CTNND2: variants seen among roughly 807,000 people sequenced by gnomAD.
CTNND2 encodes catenin delta-2.
CTNND2 carries 22 observed loss-of-function variants against 144.4 expected under a neutral mutation model. The ratio of observed to expected loss-of-function variants is 0.15; its 90% CI spans 0.11 to 0.22. The LOEUF is 0.22. CTNND2 is among the 10% of genes least tolerant of loss of function. The probability of loss-of-function intolerance (pLI) is 1.00; values close to 1 mark genes in which losing one functional copy is unlikely to be tolerated. For missense variants in CTNND2, 1,353 were observed against 1,618.8 expected (o/e 0.84, Z 2.82); for synonymous variants, 751 against 695.6 (o/e 1.08, Z -1.25).
At chr5:11,033,883 A>G (rs1030710440) in intron 16 of CTNND2, among the ~76,000 whole-genome samples, 2 of 152,208 alleles carry the variant, frequency 1.3e-5, no homozygotes, top group African/African-American at 4.8e-5. Context: ...TTTCAAGGAA[A>G]AACACAAAGA....
chr5:11,372,309 A>T (rs888380280), intron 7 of CTNND2, among the ~76,000 whole-genome samples: 15 of 152,190 alleles, frequency 9.9e-5, no homozygotes, highest in African/African-American at 3.6e-4. Context: ...TTTTAACCAC[A>T]AGCATCTATT....
At position 11,177,794 on chromosome 5, in the gene CTNND2, G is replaced by A. The variant is rs72730926; in HGVS notation, c.1976-18035C>T. Among the ~76,000 whole-genome samples, 335 of 152,124 alleles carry A rather than the reference G, an allele frequency of 2.2e-3. 1 individual carries two copies. The highest frequency in any genetic ancestry group is 4.1e-3 in the Non-Finnish European group (277 of 67,974). ...TTTTGATATTAAGTTGTTCTTTATG[G>A]CAATAATTAGATAGAAGTGCCATTT... On this transcript the variant is annotated intron_variant, in intron 11 of 21. Transcript: ENST00000304623.
At chr5:11,802,555 GA>G (rs1791753040) in intron 1 of CTNND2, among the ~76,000 whole-genome samples, 1 of 144,836 alleles carries the variant, frequency 6.9e-6, no homozygotes, top group African/African-American at 2.6e-5. Flanking sequence ...CAACAAGAGC[GA>G]AACTCCATCT....
chr5:10,992,700 G>A (rs200707275), intron 18 of CTNND2, 23 bp from the exon 19 acceptor site: 65 of 1,611,914 alleles, frequency 4.0e-5, no homozygotes, highest in Middle Eastern at 1.7e-4. Flanking sequence ...GCACGCTCCT[G>A]TTAGATGGGC....
In CTNND2 at chr5:11,276,703, C is replaced by G. The variant is rs144560895; in HGVS notation, c.1629-39880G>C. Among the ~76,000 whole-genome samples, 5 of 152,266 alleles carry G rather than the reference C, an allele frequency of 3.3e-5. No homozygotes were observed. The South Asian group carries it at 6.2e-4, about 19-fold the overall frequency. On this transcript the variant is annotated intron_variant, in intron 9 of 21. Transcript: ENST00000304623. ...CAAATGTAATTGAGTTTAAGGATCT[C>G]AAGAGGAAATCATCCTGGATTCAGG...
chr5:11,613,363 T>C (rs754952214), intron 2 of CTNND2, among the ~76,000 whole-genome samples: 1 of 152,194 alleles, frequency 6.6e-6, no homozygotes, highest in Non-Finnish European at 1.5e-5. Flanking sequence ...GTGCTTCTTA[T>C]TAAAACCACT....
intron 1 of CTNND2, among the ~76,000 whole-genome samples, chr5:11,778,733 G>A (rs1341597364): frequency 6.6e-6 from 1 of 152,180 alleles, no homozygotes; most frequent in East Asian, 1.9e-4. Context: ...AAAGGATACT[G>A]GAGAAACATT....
At chr5:11,654,159 T>C (rs1239063320) in intron 2 of CTNND2, among the ~76,000 whole-genome samples, 1 of 152,084 alleles carries the variant, frequency 6.6e-6, no homozygotes, top group Admixed American at 6.5e-5. Context: ...TTCAGTACAC[T>C]TAAAAATCAG....
At chr5:11,497,492 T>C (rs1291650529) in intron 3 of CTNND2, among the ~76,000 whole-genome samples, 2 of 95,294 alleles carry the variant, frequency 2.1e-5, no homozygotes, top group Admixed American at 3.4e-4. Context: ...TTGACATCCA[T>C]GAGGCAAAGA....
chr5:11,365,863 T>C (rs1452504562), intron 7 of CTNND2, among the ~76,000 whole-genome samples: 1 of 152,174 alleles, frequency 6.6e-6, no homozygotes, highest in Non-Finnish European at 1.5e-5. Context: ...GAGATGGCCT[T>C]GGGGCATCAA....
rs965031090 is a variant in CTNND2 at position 11,752,728 on chromosome 5, T to C, written c.38-20456A>G. Among the ~76,000 whole-genome samples the C allele has an allele frequency of 4.0e-5, 6 of 151,862 alleles. No individual in the cohort carries two copies. In the South Asian group the frequency reaches 1.0e-3, roughly 26 times the overall value. ...GGTATTTCTATTTCTGTGCAGAATG[T>C]CATTGGTGGTTTGGAATAGCATTCA... On this transcript the variant is annotated intron_variant, in intron 1 of 21. Coordinates refer to ENST00000304623, the MANE Select transcript of CTNND2 (RefSeq NM_001332.4).
intron 9 of CTNND2, among the ~76,000 whole-genome samples, chr5:11,321,768 C>T (rs557098506): frequency 7.2e-5 from 11 of 152,138 alleles, no homozygotes; most frequent in East Asian, 3.9e-4. Context: ...AACACACTAA[C>T]GTAATGAACA....
At chr5:11,827,321 T>C (rs892676744) in intron 1 of CTNND2, among the ~76,000 whole-genome samples, 5 of 152,178 alleles carry the variant, frequency 3.3e-5, no homozygotes, top group East Asian at 1.9e-4. Flanking sequence ...AGTTAAACTG[T>C]TGCAGTGGGC....
At chr5:11,475,082 G>C (rs1268420142) in intron 3 of CTNND2, among the ~76,000 whole-genome samples, 1 of 152,222 alleles carries the variant, frequency 6.6e-6, no homozygotes, top group Non-Finnish European at 1.5e-5. Context: ...TATAAGTCAA[G>C]TGTGTCTCAG....
At chr5:10,981,691 T>A in intron 21 of CTNND2, 82 bp downstream of exon 21, 1 of 1,347,678 alleles carries the variant, frequency 7.4e-7, no homozygotes, top group Non-Finnish European at 1.1e-6. Context: ...GTATGTTGGA[T>A]GAAAGTTTAT....
chr5:11,344,530 G>A (rs1754582047), intron 9 of CTNND2, among the ~76,000 whole-genome samples: 1 of 152,026 alleles, frequency 6.6e-6, no homozygotes, highest in Non-Finnish European at 1.5e-5. Context: ...AACCACAATA[G>A]TCCAGTTCTG....
At chr5:10,990,205 G>A (rs1738510374) in intron 19 of CTNND2, among the ~76,000 whole-genome samples, 2 of 152,226 alleles carry the variant, frequency 1.3e-5, no homozygotes, top group African/African-American at 4.8e-5. Context: ...TCTGCTGTGA[G>A]GGAAGAGAGG....
At position 11,346,417 on chromosome 5, in the gene CTNND2, G is replaced by T. The variant is rs1580973272; in HGVS notation, c.1583C>A (p.Thr528Asn). ...ATCAATGGACGGGGACCTGGCCAAG[G>T]TGCCTTCAGGCGGGAGAGCAGGGCC... ...KSGPALPPEG[T>N]LARSPSIDSI... The change falls in exon 9 of 22, where the codon ACC (threonine) becomes AAC (asparagine). Residue 528 changes from threonine (T) to asparagine (N), a missense_variant. Physicochemically the swap from Thr to Asn is moderately conservative, Grantham distance 65 (BLOSUM62 0). This residue lies in a region of CTNND2 where 708 missense variants were observed against 706.4 expected (regional missense o/e 1.00). Coordinates refer to ENST00000304623, the MANE Select transcript of CTNND2 (RefSeq NM_001332.4). The T allele has an allele frequency of 1.3e-6, 2 of 1,527,778 alleles. No homozygotes were observed. The highest frequency in any genetic ancestry group is 1.8e-6 in the Non-Finnish European group (2 of 1,133,564). The allele number at this position is 1,527,778 out of a possible 1,614,324, so 94.6% of individuals were successfully genotyped here.
chr5:11,840,496 G>A lies in CTNND2; in HGVS notation c.37+63321C>T, dbSNP rs553072270. On this transcript the variant is annotated intron_variant, in intron 1 of 21. Coordinates refer to ENST00000304623, the MANE Select transcript of CTNND2 (RefSeq NM_001332.4). Reference sequence around the variant, plus strand: ...ATCAAGACGATAAATATCTTCTATGGTTTTATATTTTTCAAAGAAATAAAT... The same window carrying A: ...ATCAAGACGATAAATATCTTCTATGATTTTATATTTTTCAAAGAAATAAAT... Among the ~76,000 whole-genome samples, 90 of 152,232 alleles carry A rather than the reference G, an allele frequency of 5.9e-4. 2 individuals are homozygous for A. The highest frequency in any genetic ancestry group is 1.7e-3 in the African/African-American group (72 of 41,538).
Sources: allele counts gnomAD v4.1 joint callset (sites outside exome capture counted in the v4.1 genomes callset), GRCh38; gene constraint gnomAD v4.1.1; regional missense constraint gnomAD v4.1.1; transcripts MANE v1.5; gene names NCBI Gene and HGNC (gene_info 2026-07-23, HGNC 2026-07-21).